DNMT3A: variants seen among roughly 807,000 people sequenced by gnomAD.
DNMT3A encodes the protein DNA methyltransferase 3 alpha.
A neutral mutation model predicts 117.6 loss-of-function variants in DNMT3A; 267 were observed. That is an observed-to-expected ratio of 2.27 (90% CI 2.05 to 2.51). The LOEUF (loss-of-function observed/expected upper bound fraction) is 2.51. Ranked by LOEUF, DNMT3A falls within the 30% of genes most tolerant of loss-of-function variation. The probability of loss-of-function intolerance (pLI) is 0.00; values close to 1 mark genes in which losing one functional copy is unlikely to be tolerated. For synonymous variants in DNMT3A, 432 were observed against 474.8 expected (o/e 0.91, Z 1.17); for missense variants, 1,029 against 1,260.2 (o/e 0.82, Z 2.78).
chr2:25,301,226 G>A (rs752418437), intron 2 of DNMT3A, among the ~76,000 whole-genome samples: 10 of 150,946 alleles, frequency 6.6e-5, no homozygotes, highest in Non-Finnish European at 1.2e-4. Flanking sequence ...CCAAGATCAC[G>A]CCACTGCACT....
intron 1 of DNMT3A, among the ~76,000 whole-genome samples, chr2:25,321,664 G>A (rs1003066524): frequency 6.6e-6 from 1 of 152,220 alleles, no homozygotes; most frequent in Admixed American, 6.5e-5. Context: ...ACTCTGAGAG[G>A]CCAAGACAGG....
chr2:25,340,609 C>T (rs1177239571), intron 1 of DNMT3A, among the ~76,000 whole-genome samples: 3 of 152,072 alleles, frequency 2.0e-5, no homozygotes, highest in Non-Finnish European at 4.4e-5. Flanking sequence ...CTCGAGGTCT[C>T]CCGGGGTGCG....
intron 4 of DNMT3A, 133 bp from the exon 5 acceptor site, chr2:25,275,676 T>A: frequency 1.1e-6 from 1 of 951,842 alleles, no homozygotes; most frequent in Non-Finnish European, 1.5e-6. Context: ...GCTGTTCATG[T>A]GTTAAATATG....
intron 1 of DNMT3A, among the ~76,000 whole-genome samples, chr2:25,336,693 C>T (rs1449260357): frequency 3.3e-5 from 5 of 152,088 alleles, no homozygotes; most frequent in Admixed American, 1.3e-4. Flanking sequence ...AGCGATCCTC[C>T]GTGGGCCACA....
intron 1 of DNMT3A, among the ~76,000 whole-genome samples, chr2:25,328,415 G>C (rs2034869646): frequency 6.6e-6 from 1 of 151,722 alleles, no homozygotes; most frequent in Non-Finnish European, 1.5e-5. Flanking sequence ...GGCCCACTCA[G>C]CTCCTCTCTC....
intron 13 of DNMT3A, 114 bp from the exon 14 acceptor site, chr2:25,244,766 G>T: frequency 1.2e-6 from 1 of 839,260 alleles, no homozygotes. Context: ...ACATGACCCC[G>T]CCACCACCTT....
At chr2:25,318,856 CCTGA>C (rs2034483146) in intron 1 of DNMT3A, among the ~76,000 whole-genome samples, 1 of 119,688 alleles carries the variant, frequency 8.4e-6, no homozygotes, top group East Asian at 2.1e-4. Context: ...CACCACCATG[CCTGA>C]CTAATTTTTT....
chr2:25,260,808 G>GT (rs1558687162), intron 6 of DNMT3A, among the ~76,000 whole-genome samples: 1 of 152,140 alleles, frequency 6.6e-6, no homozygotes, highest in African/African-American at 2.4e-5. Flanking sequence ...AGGATGCGGG[G>GT]TGGTCGCAGG....
intron 1 of DNMT3A, 141 bp downstream of exon 1, chr2:25,341,685 G>T: frequency 1.8e-6 from 1 of 541,478 alleles, no homozygotes; most frequent in Non-Finnish European, 2.3e-6. Context: ...CCGGCCCCAC[G>T]GGCGCCCGGC....
chr2:25,292,324 T>A (rs2032818262), intron 3 of DNMT3A, among the ~76,000 whole-genome samples: 2 of 151,822 alleles, frequency 1.3e-5, no homozygotes, highest in Admixed American at 6.6e-5. Context: ...CACTCCGGCC[T>A]GGGCAACAGA....
At chr2:25,292,749 C>T (rs749087779) in intron 3 of DNMT3A, among the ~76,000 whole-genome samples, 1 of 152,082 alleles carries the variant, frequency 6.6e-6, no homozygotes, top group Non-Finnish European at 1.5e-5. Flanking sequence ...TCGCTTATGT[C>T]TTTCTTGAGG....
chr2:25,337,725 A>G lies in DNMT3A; in HGVS notation c.-178+4101T>C, dbSNP rs919331327. ...CAAGTGGAGGCAGGCTCGGATACAGACATAAATCTCAGGCTGACACTTCAT... is the reference window on the plus strand; with the variant it reads ...CAAGTGGAGGCAGGCTCGGATACAGGCATAAATCTCAGGCTGACACTTCAT... On this transcript the variant is annotated intron_variant, in intron 1 of 22. Transcript: ENST00000321117. The surrounding 1 kb of genome is among the most constrained non-coding windows in gnomAD (Gnocchi z 5.0). Among the ~76,000 whole-genome samples, 1 of 152,220 alleles carries G rather than the reference A, an allele frequency of 6.6e-6. No homozygotes were observed. Among genetic ancestry groups the G allele is most frequent in the African/African-American group, 2.4e-5 (1 of 41,446 alleles).
intron 16 of DNMT3A, chr2:25,241,933 C>T (rs1272442901): frequency 3.6e-6 from 2 of 561,808 alleles, no homozygotes; most frequent in African/African-American, 1.9e-5. Context: ...GGAAGGCAGT[C>T]AAAGCTGCAG....
At chr2:25,264,695 C>T (rs1339504576) in intron 6 of DNMT3A, among the ~76,000 whole-genome samples, 1 of 152,022 alleles carries the variant, frequency 6.6e-6, no homozygotes, top group East Asian at 1.9e-4. Flanking sequence ...ATCTGCTGAC[C>T]TCATGATACG....
rs776844136 is a variant in DNMT3A, at chr2:25,244,539, C to A, written c.1667+1G>T. On this transcript the variant is annotated splice_donor_variant, in intron 14 of 22. Transcript: ENST00000321117. LOFTEE classifies it high-confidence loss of function. ...ACCACTGGAGGCCACAACAGCCTCACCTGCAGCAGTTGTTGTTTCCGCACA... is the reference window on the plus strand; with the variant it reads ...ACCACTGGAGGCCACAACAGCCTCAACTGCAGCAGTTGTTGTTTCCGCACA... 4.3e-6 allele frequency: 7 copies of A among 1,613,768 alleles called. No individual in the cohort carries two copies. Among genetic ancestry groups the A allele is most frequent in the Admixed American group, 1.7e-5 (1 of 60,002 alleles).
rs573748303 is a variant in DNMT3A, at chr2:25,305,440, A to T, written c.73-5197T>A. 6.6e-6 allele frequency among the ~76,000 whole-genome samples: 1 copy of T among 152,282 alleles called. No individual in the cohort carries two copies. Among genetic ancestry groups the T allele is most frequent in the East Asian group, 1.9e-4 (1 of 5,192 alleles). ...GATGCGCTGGGCTATGACGATAATA[A>T]TCTCTCACATTTGCACTGAACGTGG... On this transcript the variant is annotated intron_variant, in intron 2 of 22. Coordinates refer to ENST00000321117, the MANE Select transcript of DNMT3A (RefSeq NM_022552.5). This position sits in a 1 kb window ranked among gnomAD's most constrained non-coding sequence, Gnocchi z 4.1.
intron 2 of DNMT3A, among the ~76,000 whole-genome samples, chr2:25,313,061 C>A (rs1245787576): frequency 5.9e-5 from 9 of 152,180 alleles, no homozygotes; most frequent in Non-Finnish European, 1.3e-4. Flanking sequence ...TGGAGGGTGG[C>A]AGTGAGTTCA....
chr2:25,239,059 C>A (rs567199075), intron 20 of DNMT3A, 71 bp downstream of exon 20: 3 of 1,406,758 alleles, frequency 2.1e-6, no homozygotes, highest in East Asian at 4.6e-5. Flanking sequence ...GGCTCAGGGG[C>A]TTCCCCACTA....
At chr2:25,271,591 T>C (rs910780949) in intron 6 of DNMT3A, among the ~76,000 whole-genome samples, 6 of 152,224 alleles carry the variant, frequency 3.9e-5, no homozygotes, top group Admixed American at 6.5e-5. Context: ...CAATTCTTCA[T>C]TGGGAGCTTG....
Sources: gnomAD v4.1 joint callset for allele counts (sites outside exome capture counted in the v4.1 genomes callset) on GRCh38, gnomAD v4.1.1 for gene constraint, Gnocchi (gnomAD v3.1) non-coding constraint, MANE v1.5 for transcripts, NCBI Gene and HGNC (gene_info 2026-07-23, HGNC 2026-07-21) for gene names.